The following ADAT1 variants were observed in gnomAD, a reference collection of about 807,000 sequenced individuals.
ADAT1 encodes the protein adenosine deaminase tRNA specific 1.
Under a neutral mutation model 58.6 loss-of-function variants are expected in ADAT1, and 58 were observed. The ratio of observed to expected loss-of-function variants is 0.99; its 90% confidence interval spans 0.80 to 1.23. ADAT1 has a LOEUF of 1.23. ADAT1 is among the 50% of genes most tolerant of loss of function. ADAT1 has a pLI of 0.00. For synonymous variants in ADAT1, 254 were observed against 220.8 expected (o/e 1.15, Z -1.33); for missense variants, 741 against 608.6 (o/e 1.22, Z -2.29).
At position 75,612,613 on chromosome 16, in the gene ADAT1, G is replaced by A; in HGVS notation, c.673C>T (p.Pro225Ser). Reference protein sequence around the residue: ...HQSFGKQKSGPISPGIHSCDL... With the variant: ...HQSFGKQKSGSISPGIHSCDL... ...CAGCTGTGGATGCCTGGTGAGATTG[G>A]GCCACTTTTCTGCTTGCCAAAACTC... The change falls in exon 6 of 10, where the codon CCA (proline) becomes TCA (serine). Residue 225 changes from proline to serine, a missense_variant. Pro to Ser is a moderately conservative substitution (Grantham distance 74, BLOSUM62 -1). Coordinates refer to ENST00000564657, the MANE Select transcript of ADAT1 (RefSeq NM_001324445.2). 1 of 1,613,934 alleles carries A rather than the reference G, an allele frequency of 6.2e-7. No homozygotes were observed. The highest frequency in any genetic ancestry group is 8.5e-7 in the Non-Finnish European group (1 of 1,180,004).
At chr16:75,620,175 A>G (rs1341986352) in intron 3 of ADAT1, 91 bp downstream of exon 3, 20 of 1,296,768 alleles carry the variant, frequency 1.5e-5, no homozygotes, top group Non-Finnish European at 2.0e-5. Context: ...ATGCACCTCA[A>G]CTGACATGGC....
At chr16:75,620,133 A>G in intron 3 of ADAT1, 133 bp downstream of exon 3, 2 of 846,270 alleles carry the variant, frequency 2.4e-6, no homozygotes, top group Non-Finnish European at 3.9e-6. Context: ...GGTCCTTCCA[A>G]CTGGACTGAT....
At chr16:75,608,495 T>G (rs1597107006) in intron 7 of ADAT1, 172 bp from the exon 8 acceptor site, 3 of 597,078 alleles carry the variant, frequency 5.0e-6, no homozygotes, top group Non-Finnish European at 8.8e-6. Flanking sequence ...GTCTAAGTGG[T>G]TCATAATTCA....
chr16:75,614,377 G>A (rs1248834636), intron 5 of ADAT1, among the ~76,000 whole-genome samples: 1 of 152,152 alleles, frequency 6.6e-6, no homozygotes, highest in Non-Finnish European at 1.5e-5. Flanking sequence ...GTCCTTACAG[G>A]AAACAGAAGA....
In ADAT1 at chr16:75,617,192, C is replaced by T. The variant is rs1318988284; in HGVS notation, c.374G>A (p.Trp125Ter). The T allele has an allele frequency of 2.0e-5, 32 of 1,613,784 alleles. No individual in the cohort carries two copies. The highest frequency in any genetic ancestry group is 2.7e-5 in the Non-Finnish European group (32 of 1,179,816). The change falls in exon 5 of 10, where the codon TGG becomes TAG. Residue 125 changes from tryptophan (W) to a stop codon, truncating the protein, a stop_gained. Transcript: ENST00000564657. LOFTEE classifies it high-confidence loss of function. ...IFVPGTQKGV[W>*]KLRRDLIFVF... ...AAAAATGAGGTCTCGTCTAAGTTTCCACACTCCTTTTTGAGTTCCTGGGAC... is the reference window on the plus strand; with the variant it reads ...AAAAATGAGGTCTCGTCTAAGTTTCTACACTCCTTTTTGAGTTCCTGGGAC...
chr16:75,620,405 C>A, intron 2 of ADAT1, 71 bp from the exon 3 acceptor site: 2 of 1,536,294 alleles, frequency 1.3e-6, no homozygotes, highest in Non-Finnish European at 1.8e-6. Context: ...TGTGATCAGC[C>A]TGCACACTCC....
intron 1 of ADAT1, 112 bp from the exon 2 acceptor site, chr16:75,620,932 C>G: frequency 1.2e-6 from 1 of 831,002 alleles, no homozygotes; most frequent in Non-Finnish European, 1.8e-6. Context: ...CCGAGGTTTC[C>G]CTATCTGGAA....
At position 75,598,497 on chromosome 16, in the gene ADAT1, C is replaced by G. The variant is rs1409590232; in HGVS notation, c.*1719G>C. On this transcript the variant is annotated 3_prime_UTR_variant, in exon 10 of 10. Coordinates refer to ENST00000564657, the MANE Select transcript of ADAT1 (RefSeq NM_001324445.2). Reference sequence around the variant, plus strand: ...TGTTCTAAAATTGATGGTTGCACAACTCTGTGGATATACTAAAAAAATTTT... The same window carrying G: ...TGTTCTAAAATTGATGGTTGCACAAGTCTGTGGATATACTAAAAAAATTTT... Among the ~76,000 whole-genome samples the G allele has an allele frequency of 1.3e-5, 2 of 151,574 alleles. No homozygotes were observed. The highest frequency in any genetic ancestry group is 1.5e-5 in the Non-Finnish European group (1 of 67,934).
chr16:75,618,739 G>C (rs762808284), intron 3 of ADAT1, 99 bp from the exon 4 acceptor site: 1 of 1,380,754 alleles, frequency 7.2e-7, no homozygotes, highest in South Asian at 1.3e-5. Context: ...ACCCAGGATG[G>C]TCATGTAGCT....
Position 75,599,814 on chromosome 16 carries a change from A to G in ADAT1, c.*402T>C, listed in dbSNP as rs11149842. ...GAAAGGCTGGGAATACAAAATATAT[A>G]TTCGCTATGCTAGGCAAAGCTGTAA... On this transcript the variant is annotated 3_prime_UTR_variant, in exon 10 of 10. Coordinates refer to ENST00000564657, the MANE Select transcript of ADAT1 (RefSeq NM_001324445.2). 0.14 allele frequency: 139,676 copies of G among 991,740 alleles called. 15,120 individuals carry two copies. Among genetic ancestry groups the G allele is most frequent in the East Asian group, 0.73 (6,581 of 8,970 alleles). 61.4% of individuals were successfully genotyped at this position (991,740 alleles called of 1,614,324 possible). A position where few individuals can be genotyped will look rare whatever the true frequency, so the allele number is the denominator to read the frequency against.
chr16:75,620,470 G>T, intron 2 of ADAT1, 136 bp from the exon 3 acceptor site: 1 of 1,399,700 alleles, frequency 7.1e-7, no homozygotes, highest in East Asian at 2.3e-5. Flanking sequence ...CAGCATGGCG[G>T]TCTCCCGCCA....
Position 75,608,870 on chromosome 16 carries a change from G to A in ADAT1, c.1162C>T (p.Pro388Ser). 1.9e-6 allele frequency: 3 copies of A among 1,614,022 alleles called. No homozygotes were observed. Among genetic ancestry groups the A allele is most frequent in the Non-Finnish European group, 8.5e-7 (1 of 1,179,974 alleles). Residue 388 changes from proline (P) to serine (S), a missense_variant, in exon 7 of 10, where the codon CCA (proline) becomes TCA (serine). Physicochemically the swap from Pro to Ser is moderately conservative, Grantham distance 74. Transcript: ENST00000564657. ...SAVQAKRADS[P>S]GRLVPCGAAI... is the part of the protein sequence containing the mutation. ...GCCCCACAAGGAACAAGTCGACCTG[G>A]GCTATCAGCCCTTTTTGCCTGCACC... is the stretch of plus-strand genomic sequence containing the variant.
At chr16:75,604,158 G>T (rs1003582782) in intron 8 of ADAT1, among the ~76,000 whole-genome samples, 1 of 151,960 alleles carries the variant, frequency 6.6e-6, no homozygotes, top group Non-Finnish European at 1.5e-5. Flanking sequence ...GCCAAACACA[G>T]TGGCTCATGC....
At position 75,597,312 on chromosome 16, in the gene ADAT1, CA is replaced by C. The variant is rs1457744604; in HGVS notation, c.*2903del. Reference sequence around the variant, plus strand: ...AAGAAGGCCATGCGAGACACAGACACAGAAGGCCATGTGAAGACGGAGGGAG... The same window carrying C: ...AAGAAGGCCATGCGAGACACAGACACGAAGGCCATGTGAAGACGGAGGGAG... On this transcript the variant is annotated 3_prime_UTR_variant, in exon 10 of 10. Transcript: ENST00000564657. 1 of 432,276 alleles carries C rather than the reference CA, an allele frequency of 2.3e-6. No homozygotes were observed. The highest frequency in any genetic ancestry group is 4.6e-6 in the Non-Finnish European group (1 of 216,412). 26.8% of individuals were successfully genotyped at this position (432,276 alleles called of 1,614,324 possible). A position where few individuals can be genotyped will look rare whatever the true frequency, so the allele number is the denominator to read the frequency against.
chr16:75,598,940 T>G lies in ADAT1; in HGVS notation c.*1276A>C. 2.0e-6 allele frequency: 2 copies of G among 985,396 alleles called. No individual in the cohort carries two copies. The highest frequency in any genetic ancestry group is 3.5e-5 in the African/African-American group (2 of 57,350). 61.0% of individuals were successfully genotyped at this position (985,396 alleles called of 1,614,324 possible). ...AAATGCTGAAGAACCAATAAGGACC[T>G]TGAGTAACCCCAACATGGGAGCTTC... is the stretch of plus-strand genomic sequence containing the variant. On this transcript the variant is annotated 3_prime_UTR_variant, in exon 10 of 10. Transcript: ENST00000564657.
Position 75,597,488 on chromosome 16 carries a change from G to A in ADAT1, c.*2728C>T. 1 of 388,388 alleles carries A rather than the reference G, an allele frequency of 2.6e-6. No individual in the cohort carries two copies. The highest frequency in any genetic ancestry group is 1.9e-5 in the South Asian group (1 of 52,860). The allele number at this position is 388,388 out of a possible 1,614,324, so 24.1% of individuals were successfully genotyped here. ...GCAGTCCCCAACCTTTTTGGCACCA[G>A]GGACTGGTTTCATGGAAGATAATTT... On this transcript the variant is annotated 3_prime_UTR_variant, in exon 10 of 10. Coordinates refer to ENST00000564657, the MANE Select transcript of ADAT1 (RefSeq NM_001324445.2).
chr16:75,615,687 C>G (rs1390944656), intron 5 of ADAT1, among the ~76,000 whole-genome samples: 1 of 152,092 alleles, frequency 6.6e-6, no homozygotes, highest in Admixed American at 6.6e-5. Context: ...AAGGCTATAG[C>G]TGTCACTGGG....
Position 75,620,925 on chromosome 16 carries a change from A to C in ADAT1, c.-21-105T>G, listed in dbSNP as rs565733815. The C allele has an allele frequency of 1.5e-5, 14 of 915,252 alleles. No homozygotes were observed. The African/African-American group carries it at 2.3e-4, about 15-fold the overall frequency. 56.7% of individuals were successfully genotyped at this position (915,252 alleles called of 1,614,324 possible). On this transcript the variant is annotated intron_variant, in intron 1 of 9. Coordinates refer to ENST00000564657, the MANE Select transcript of ADAT1 (RefSeq NM_001324445.2). ...CGAGTCTTTCAAATGGAGCAGACCGAGGTTTCCCTATCTGGAACTCTATGG... is the reference window on the plus strand; with the variant it reads ...CGAGTCTTTCAAATGGAGCAGACCGCGGTTTCCCTATCTGGAACTCTATGG...
chr16:75,622,119 C>T (rs1367377536), intron 1 of ADAT1, among the ~76,000 whole-genome samples: 1 of 152,160 alleles, frequency 6.6e-6, no homozygotes. Flanking sequence ...CACTGCACTC[C>T]AGGCTGGGTG....
Sources: gnomAD v4.1 joint callset for allele counts (sites outside exome capture counted in the v4.1 genomes callset) on GRCh38, gnomAD v4.1.1 for gene constraint, MANE v1.5 for transcripts, NCBI Gene and HGNC (gene_info 2026-07-23, HGNC 2026-07-21) for gene names.